Variants in LARGE1 observed in about 807,000 individuals in gnomAD.
LARGE1 encodes the protein xylosyl- and glucuronyltransferase LARGE1.
In LARGE1, 43 loss-of-function variants were observed where a neutral mutation model predicts 87.6. The observed-to-expected ratio is 0.49, with a 90% CI of 0.38 to 0.63. LARGE1 has a LOEUF of 0.63. LARGE1 is among the 30% of genes least tolerant of loss of function. LARGE1 has a pLI of 0.00. For synonymous variants in LARGE1, 434 were observed against 394.6 expected, an observed-to-expected ratio of 1.10 and a Z score of -1.18; for missense variants, 802 against 1,000.2, an observed-to-expected ratio of 0.80 and a Z score of 2.67.
At chr22:33,757,755 C>T (rs796195652) in intron 2 of LARGE1, among the ~76,000 whole-genome samples, 2 of 152,164 alleles carry the variant, frequency 1.3e-5, no homozygotes, top group Admixed American at 6.5e-5. Flanking sequence ...TCACCTGCCA[C>T]GAAACCAAAA....
chr22:33,382,096 C>T (rs1342976856), intron 8 of LARGE1, 52 bp from the exon 9 acceptor site: 1 of 1,610,460 alleles, frequency 6.2e-7, no homozygotes, highest in Non-Finnish European at 8.5e-7. Flanking sequence ...GGTCCAGCTG[C>T]CCATTTTGGC....
Position 33,866,247 on chromosome 22 carries a change from G to A in LARGE1, c.-83+53748C>T, listed in dbSNP as rs140309827. On this transcript the variant is annotated intron_variant, in intron 1 of 14. Transcript: ENST00000397394. Reference sequence around the variant, plus strand: ...CCTAAAGCACTGGGATTATAGGTATGAGCCACTGTACCCAGCCTGTTGTTC... The same window carrying A: ...CCTAAAGCACTGGGATTATAGGTATAAGCCACTGTACCCAGCCTGTTGTTC... Among the ~76,000 whole-genome samples the A allele has an allele frequency of 1.6e-3, 243 of 152,310 alleles. 2 individuals are homozygous for A. Among genetic ancestry groups the A allele is most frequent in the African/African-American group, 5.3e-3 (221 of 41,560 alleles).
At chr22:33,441,607 C>T (rs112083884) in intron 6 of LARGE1, among the ~76,000 whole-genome samples, 70 of 152,192 alleles carry the variant, frequency 4.6e-4, no homozygotes, top group African/African-American at 1.6e-3. Flanking sequence ...AGGTGTATGC[C>T]ACCACATCCA....
chr22:33,470,829 G>C (rs1357263816), intron 6 of LARGE1, among the ~76,000 whole-genome samples: 5 of 152,046 alleles, frequency 3.3e-5, no homozygotes, highest in Non-Finnish European at 5.9e-5. Flanking sequence ...TAGTCTCATA[G>C]AAACACCATG....
chr22:33,793,852 G>T (rs904478236), intron 1 of LARGE1, among the ~76,000 whole-genome samples: 2 of 151,996 alleles, frequency 1.3e-5, no homozygotes, highest in African/African-American at 4.8e-5. Context: ...CAAAGAGGGG[G>T]TGGTGTGAGA....
At chr22:33,384,335 T>C in intron 7 of LARGE1, 31 bp from the exon 8 acceptor site, 1 of 1,536,764 alleles carries the variant, frequency 6.5e-7, no homozygotes, top group Non-Finnish European at 9.0e-7. Flanking sequence ...AAAGAGAAAA[T>C]TAAAAAATAA....
intron 7 of LARGE1, among the ~76,000 whole-genome samples, chr22:33,385,733 T>C (rs2065301209): frequency 6.8e-6 from 1 of 147,876 alleles, no homozygotes; most frequent in African/African-American, 2.5e-5. Context: ...AGAATTTCCC[T>C]GCAGGCCACT....
At chr22:33,600,553 A>G (rs1375935393) in intron 5 of LARGE1, among the ~76,000 whole-genome samples, 1 of 152,200 alleles carries the variant, frequency 6.6e-6, no homozygotes, top group Non-Finnish European at 1.5e-5. Context: ...ACGTAACTTT[A>G]GCAAAAGAAC....
intron 1 of LARGE1, among the ~76,000 whole-genome samples, chr22:33,862,364 C>G (rs1299501673): frequency 1.3e-5 from 2 of 152,194 alleles, no homozygotes; most frequent in Non-Finnish European, 1.5e-5. Flanking sequence ...ATCAGGGAAG[C>G]CTTCCTGGGG....
chr22:33,793,075 C>G (rs935585181), intron 1 of LARGE1, among the ~76,000 whole-genome samples: 4 of 152,230 alleles, frequency 2.6e-5, no homozygotes, highest in Non-Finnish European at 5.9e-5. Context: ...CTGCAGCGAG[C>G]AGTGCCATGA....
At chr22:33,765,319 G>A (rs1345150575) in intron 1 of LARGE1, among the ~76,000 whole-genome samples, 1 of 151,924 alleles carries the variant, frequency 6.6e-6, no homozygotes, top group East Asian at 1.9e-4. Context: ...CCTTCATATT[G>A]AATATTATGA....
intron 1 of LARGE1, among the ~76,000 whole-genome samples, chr22:33,766,352 G>A (rs978679018): frequency 2.0e-5 from 3 of 152,136 alleles, no homozygotes; most frequent in East Asian, 3.9e-4. Flanking sequence ...TCCATCTGTC[G>A]TCTCCCATCT....
rs527613655 is a variant in LARGE1 at position 33,550,222 on chromosome 22, G to A, written c.787+14626C>T. On this transcript the variant is annotated intron_variant, in intron 6 of 14. Coordinates refer to ENST00000397394, the MANE Select transcript of LARGE1 (RefSeq NM_133642.5). Reference sequence around the variant, plus strand: ...GTATATATATATAGAAGTTGTGGAAGGTTTAGATTTCATTTCTTGGGCCAG... The same window carrying A: ...GTATATATATATAGAAGTTGTGGAAAGTTTAGATTTCATTTCTTGGGCCAG... Among the ~76,000 whole-genome samples, 93 of 151,510 alleles carry A rather than the reference G, an allele frequency of 6.1e-4. 1 individual carries two copies. Among genetic ancestry groups the A allele is most frequent in the Admixed American group, 2.2e-3 (34 of 15,190 alleles).
rs913615726 is a variant in LARGE1 at position 33,728,564 on chromosome 22, A to C, written c.106+32807T>G. 6.7e-5 allele frequency among the ~76,000 whole-genome samples: 10 copies of C among 148,544 alleles called. 1 individual carries two copies. The highest frequency in any genetic ancestry group is 6.1e-4 in the Admixed American group (9 of 14,784). Reference sequence around the variant, plus strand: ...CACCCCTACCACCAAAAAAAAAAAAAAAAAAAAAAAAAAAACCAACAACAG... The same window carrying C: ...CACCCCTACCACCAAAAAAAAAAAACAAAAAAAAAAAAAAACCAACAACAG... On this transcript the variant is annotated intron_variant, in intron 2 of 14. Transcript: ENST00000397394.
chr22:33,911,299 G>A (rs1359011085), intron 1 of LARGE1, among the ~76,000 whole-genome samples: 1 of 152,126 alleles, frequency 6.6e-6, no homozygotes, highest in African/African-American at 2.4e-5. Flanking sequence ...GTCTAGTGGG[G>A]CTCCAAGGTC....
intron 2 of LARGE1, among the ~76,000 whole-genome samples, chr22:33,715,829 C>T (rs2082892014): frequency 6.6e-6 from 1 of 152,328 alleles, no homozygotes; most frequent in East Asian, 1.9e-4. Context: ...TCACAGACAT[C>T]ATTGAGCAAA....
At chr22:33,488,894 C>A (rs959661812) in intron 6 of LARGE1, among the ~76,000 whole-genome samples, 1 of 152,188 alleles carries the variant, frequency 6.6e-6, no homozygotes, top group Non-Finnish European at 1.5e-5. Flanking sequence ...AATCACAACA[C>A]CCAACTTGAA....
chr22:33,195,908 C>T (rs1253679220), intron 11 of LARGE1, among the ~76,000 whole-genome samples: 6 of 151,636 alleles, frequency 4.0e-5, no homozygotes, highest in African/African-American at 1.5e-4. Context: ...GCGCCCGCCA[C>T]CACGTCCCAC....
chr22:33,564,319 G>A (rs536792965), intron 6 of LARGE1, among the ~76,000 whole-genome samples: 1 of 152,188 alleles, frequency 6.6e-6, no homozygotes, highest in South Asian at 2.1e-4. Flanking sequence ...TATACCTTGA[G>A]GCCGTGACGA....
Sources: gnomAD v4.1 joint callset for allele counts (sites outside exome capture counted in the v4.1 genomes callset) on GRCh38, gnomAD v4.1.1 for gene constraint, MANE v1.5 for transcripts, NCBI Gene and HGNC (gene_info 2026-07-23, HGNC 2026-07-21) for gene names.